Variants in ARPC2 observed in about 807,000 individuals in gnomAD.
The protein encoded by ARPC2 is actin-related protein 2/3 complex subunit 2.
ARPC2 carries 4 observed loss-of-function variants against 38.6 expected under a neutral mutation model. That is an observed-to-expected ratio of 0.10 (90% CI 0.05 to 0.24). ARPC2 has a LOEUF of 0.24. Ranked by LOEUF, ARPC2 falls within the 10% of genes least tolerant of loss-of-function variation. The probability of loss-of-function intolerance (pLI) is 1.00; values close to 1 mark genes in which losing one functional copy is unlikely to be tolerated. For synonymous variants in ARPC2, 125 were observed against 140.8 expected (o/e 0.89, Z 0.79); for missense variants, 229 against 387.3 (o/e 0.59, Z 3.43).
At chr2:218,231,015 C>T (rs571579139) in intron 4 of ARPC2, among the ~76,000 whole-genome samples, 26 of 152,296 alleles carry the variant, frequency 1.7e-4, no homozygotes, top group African/African-American at 6.0e-4. Context: ...CAGCCCCACC[C>T]ACTCAAGTGG....
At chr2:218,239,522 C>T (rs763215689) in intron 7 of ARPC2, 38 bp downstream of exon 7, 15 of 1,487,614 alleles carry the variant, frequency 1.0e-5, no homozygotes, top group African/African-American at 5.5e-5. Context: ...CCATGCATGG[C>T]GACTTATACC....
chr2:218,227,335 T>C (rs1689524232), intron 3 of ARPC2, among the ~76,000 whole-genome samples: 1 of 152,226 alleles, frequency 6.6e-6, no homozygotes, highest in Non-Finnish European at 1.5e-5. Flanking sequence ...AAATGCAATG[T>C]GTGGATATTG....
intron 2 of ARPC2, among the ~76,000 whole-genome samples, chr2:218,217,837 T>G (rs10187683): frequency 0.91 from 138,548 of 152,254 alleles, 64,343 homozygotes; most frequent in East Asian, 1. Flanking sequence ...CGGAACTCGC[T>G]CCGGAGTAGC....
chr2:218,226,826 T>C (rs1041269397), intron 3 of ARPC2, among the ~76,000 whole-genome samples: 1 of 152,002 alleles, frequency 6.6e-6, no homozygotes, highest in African/African-American at 2.4e-5. Flanking sequence ...GTTTTTTTTT[T>C]AATTTGGAAA....
At chr2:218,238,184 G>C (rs969855156) in intron 5 of ARPC2, among the ~76,000 whole-genome samples, 1 of 152,184 alleles carries the variant, frequency 6.6e-6, no homozygotes, top group Non-Finnish European at 1.5e-5. Context: ...GTGGCACGTA[G>C]AAGGGTTTAT....
intron 5 of ARPC2, chr2:218,235,146 A>T (rs967518591): frequency 1.4e-5 from 4 of 291,512 alleles, no homozygotes; most frequent in African/African-American, 6.7e-5. Context: ...GTCACTCTTA[A>T]CAGCAGTTAC....
intron 10 of ARPC2, among the ~76,000 whole-genome samples, chr2:218,251,393 T>C (rs2106161414): frequency 6.6e-6 from 1 of 152,140 alleles, no homozygotes; most frequent in East Asian, 1.9e-4. Flanking sequence ...TTTGTATTTT[T>C]AATAGAGACA....
At chr2:218,241,257 A>G (rs775489308) in intron 7 of ARPC2, among the ~76,000 whole-genome samples, 1 of 152,240 alleles carries the variant, frequency 6.6e-6, no homozygotes, top group African/African-American at 2.4e-5. Flanking sequence ...AAAATCTTCA[A>G]AAGTGATATT....
In ARPC2 at chr2:218,249,412, A is replaced by C; in HGVS notation, c.725A>C (p.Asn242Thr). The C allele has an allele frequency of 6.2e-7, 1 of 1,613,364 alleles. No individual in the cohort carries two copies. The highest frequency in any genetic ancestry group is 8.5e-7 in the Non-Finnish European group (1 of 1,179,806). The change falls in exon 9 of 11, where the codon AAC becomes ACC. Residue 242 changes from asparagine to threonine, a missense_variant. Physicochemically the swap from Asn to Thr is moderately conservative, Grantham distance 65. Around this residue, in one of 3 missense-constraint regions of ARPC2, gnomAD observed 92 missense variants for 152.3 expected, o/e 0.60. Coordinates refer to ENST00000315717, the MANE Select transcript of ARPC2 (RefSeq NM_152862.3). ...TNASARDNTI[N>T]LIHTFRDYLH... ...GCCAGTGCTCGAGACAACACCATCA[A>C]CCTGATCCACACGTTCCGGGACTAC...
At chr2:218,249,250 CAAGTG>C in intron 8 of ARPC2, 109 bp from the exon 9 acceptor site, 1 of 695,944 alleles carries the variant, frequency 1.4e-6, no homozygotes, top group East Asian at 2.9e-5. Context: ...AATACTGACA[CAAGTG>C]GAGTGTACTT....
intron 2 of ARPC2, among the ~76,000 whole-genome samples, chr2:218,222,425 G>A (rs1407218502): frequency 6.6e-6 from 1 of 152,122 alleles, no homozygotes; most frequent in Non-Finnish European, 1.5e-5. Flanking sequence ...AGAAAAGATA[G>A]AAGAAAATTT....
intron 10 of ARPC2, among the ~76,000 whole-genome samples, chr2:218,251,209 GTTTTTGT>G (rs1455759488): frequency 6.6e-6 from 1 of 151,380 alleles, no homozygotes; most frequent in Non-Finnish European, 1.5e-5. Context: ...TTGTTGTTTT[GTTTTTGT>G]TTTTTGTTTT....
At chr2:218,217,299 C>T in intron 1 of ARPC2, 45 bp downstream of exon 1, 1 of 633,528 alleles carries the variant, frequency 1.6e-6, no homozygotes, top group Non-Finnish European at 2.8e-6. Flanking sequence ...GTGCGTGGGC[C>T]AGCGCGTTCG....
intron 3 of ARPC2, among the ~76,000 whole-genome samples, chr2:218,227,473 G>A (rs993477949): frequency 6.6e-6 from 1 of 152,070 alleles, no homozygotes; most frequent in African/African-American, 2.4e-5. Flanking sequence ...ACCCAGGCTG[G>A]AGTGCAGTGG....
At chr2:218,252,436 T>C (rs1019537318) in intron 10 of ARPC2, among the ~76,000 whole-genome samples, 3 of 152,162 alleles carry the variant, frequency 2.0e-5, no homozygotes, top group Non-Finnish European at 4.4e-5. Context: ...CAGAACCTAG[T>C]CTCCATCCTG....
chr2:218,249,694 T>G (rs1690134313), intron 9 of ARPC2, 127 bp from the exon 10 acceptor site: 1 of 929,346 alleles, frequency 1.1e-6, no homozygotes, highest in South Asian at 1.7e-5. Context: ...CCTGCTTCCC[T>G]GCAGGGCCTG....
intron 8 of ARPC2, 79 bp downstream of exon 8, chr2:218,245,625 T>C: frequency 1.3e-6 from 2 of 1,567,686 alleles, no homozygotes; most frequent in Non-Finnish European, 1.7e-6. Context: ...CACAGAACCT[T>C]GGTTAACATT....
chr2:218,230,819 T>C (rs1689617497), intron 4 of ARPC2, among the ~76,000 whole-genome samples: 1 of 151,800 alleles, frequency 6.6e-6, no homozygotes, highest in Non-Finnish European at 1.5e-5. Context: ...GGAGTTCAAG[T>C]CCAGCCTGGA....
chr2:218,247,755 A>G (rs1397532040), intron 8 of ARPC2, among the ~76,000 whole-genome samples: 3 of 152,086 alleles, frequency 2.0e-5, no homozygotes, highest in Admixed American at 6.5e-5. Flanking sequence ...CATCCTGGCT[A>G]ACACAGTGAA....
Sources: allele counts gnomAD v4.1 joint callset (sites outside exome capture counted in the v4.1 genomes callset), GRCh38; gene constraint gnomAD v4.1.1; regional missense constraint gnomAD v4.1.1; transcripts MANE v1.5; gene names NCBI Gene and HGNC (gene_info 2026-07-23, HGNC 2026-07-21).